ITGAE: variants seen among roughly 807,000 people sequenced by gnomAD.
ITGAE encodes the protein integrin subunit alpha E, also known as integrin alpha-E.
A neutral mutation model predicts 136.5 loss-of-function variants in ITGAE; 99 were observed. That is an observed-to-expected ratio of 0.73 (90% confidence interval 0.62 to 0.86). ITGAE has a LOEUF of 0.86. Ranked by LOEUF, ITGAE falls within the 40% of genes least tolerant of loss-of-function variation. ITGAE has a pLI of 0.00. For missense variants in ITGAE, 1,447 were observed against 1,515.3 expected (o/e 0.95, Z 0.75); for synonymous variants, 613 against 591.8 (o/e 1.04, Z -0.52).
intron 1 of ITGAE, among the ~76,000 whole-genome samples, chr17:3,781,189 C>T (rs943281848): frequency 6.6e-6 from 1 of 152,184 alleles, no homozygotes; most frequent in African/African-American, 2.4e-5. Context: ...AGCTGTTTGT[C>T]TTGCATATGC....
At chr17:3,787,027 G>T (rs1324640664) in intron 1 of ITGAE, among the ~76,000 whole-genome samples, 6 of 151,768 alleles carry the variant, frequency 4.0e-5, no homozygotes, top group Non-Finnish European at 2.9e-5. Flanking sequence ...ATATGATTAT[G>T]ATAGATGCAG....
rs776110954 is a variant in ITGAE at position 3,755,152 on chromosome 17, G to A, written c.1349C>T (p.Ala450Val). Residue 450 changes from alanine to valine, a missense_variant, in exon 12 of 31, where the codon GCG (alanine) becomes GTG (valine). By Grantham distance (64) the Ala-to-Val change is moderately conservative. This residue lies in a region of ITGAE where 1,031 missense variants were observed against 1,011.4 expected (regional missense o/e 1.02). Coordinates refer to ENST00000263087, the MANE Select transcript of ITGAE (RefSeq NM_002208.5). ...GTACTGCGCAGCCTCCGCGTCTGCC[G>A]CCGCCGCCGCTGTCTGGTTCAGGAA... Reference protein sequence around the residue: ...GRFLNQTAAAAADAEAAQYSY... With the variant: ...GRFLNQTAAAVADAEAAQYSY... 21 of 1,483,846 alleles carry A rather than the reference G, an allele frequency of 1.4e-5. No individual in the cohort carries two copies. In the South Asian group the frequency reaches 2.3e-4, roughly 16 times the overall value. 91.9% of individuals were successfully genotyped at this position (1,483,846 alleles called of 1,614,324 possible). A position where few individuals can be genotyped will look rare whatever the true frequency, so the allele number is the denominator to read the frequency against.
intron 16 of ITGAE, among the ~76,000 whole-genome samples, chr17:3,749,464 G>A (rs376940370): frequency 5.3e-5 from 8 of 152,198 alleles, no homozygotes; most frequent in South Asian, 2.1e-4. Flanking sequence ...GTGTTAGCCA[G>A]GATGGTCTCC....
At chr17:3,718,105 T>C (rs147172206) in intron 29 of ITGAE, 1 of 152,420 alleles carries the variant, frequency 6.6e-6, no homozygotes, top group Admixed American at 6.5e-5. Context: ...CAAACACGGA[T>C]GCTGGCCTGC....
At chr17:3,774,530 G>A (rs949236062) in intron 2 of ITGAE, among the ~76,000 whole-genome samples, 34 of 152,258 alleles carry the variant, frequency 2.2e-4, no homozygotes, top group African/African-American at 7.2e-4. Flanking sequence ...TTGGGAGGCC[G>A]AAGTGGGCAG....
At chr17:3,776,731 G>T (rs888172457) in intron 2 of ITGAE, among the ~76,000 whole-genome samples, 37 of 147,462 alleles carry the variant, frequency 2.5e-4, no homozygotes, top group South Asian at 6.5e-4. Flanking sequence ...ACAGTTTTTG[G>T]TTTTTTTTGA....
At chr17:3,743,676 A>C in intron 18 of ITGAE, 59 bp from the exon 19 acceptor site, 1 of 1,360,990 alleles carries the variant, frequency 7.3e-7, no homozygotes, top group South Asian at 1.3e-5. Context: ...AGATGACAAC[A>C]ATAATGCTTT....
chr17:3,762,023 TGGGAG>T, intron 3 of ITGAE, 41 bp from the exon 4 acceptor site: 2 of 1,576,338 alleles, frequency 1.3e-6, no homozygotes, highest in African/African-American at 1.3e-5. Context: ...GAGGGGACTC[TGGGAG>T]GCAGAGACCC....
chr17:3,723,838 G>C (rs2051123661), intron 26 of ITGAE, 94 bp from the exon 27 acceptor site: 3 of 1,539,820 alleles, frequency 1.9e-6, no homozygotes, highest in Non-Finnish European at 8.8e-7. Flanking sequence ...GTGCGCATGC[G>C]CAGGGCCGGG....
chr17:3,716,299 CAG>C (rs2050943112), intron 30 of ITGAE, among the ~76,000 whole-genome samples: 1 of 152,142 alleles, frequency 6.6e-6, no homozygotes, highest in African/African-American at 2.4e-5. Context: ...AAGATTTCAA[CAG>C]GGGAACAACA....
intron 1 of ITGAE, among the ~76,000 whole-genome samples, chr17:3,791,047 T>C (rs554212502): frequency 8.2e-4 from 122 of 148,948 alleles, no homozygotes; most frequent in Non-Finnish European, 1.5e-3. Flanking sequence ...CCCAGCTACT[T>C]GGGAGGCTGA....
rs377713554 is a variant in ITGAE at position 3,748,071 on chromosome 17, A to C, written c.2025-19T>G. On this transcript the variant is annotated intron_variant, in intron 16 of 30. Coordinates refer to ENST00000263087, the MANE Select transcript of ITGAE (RefSeq NM_002208.5). ...CCGGGAGCTAAACAAGACAGCAAAG[A>C]GGATGGGAGAAGTGACTGCTCAGCC... The C allele has an allele frequency of 7.5e-6, 12 of 1,603,130 alleles. No homozygotes were observed. Among genetic ancestry groups the C allele is most frequent in the Middle Eastern group, 3.9e-4 (2 of 5,182 alleles).
At chr17:3,739,776 G>A (rs751870373) in intron 20 of ITGAE, 29 bp downstream of exon 20, 50 of 1,597,658 alleles carry the variant, frequency 3.1e-5, no homozygotes, top group Non-Finnish European at 4.0e-5. Context: ...AAGGTTAATC[G>A]AGGAAACTGA....
Position 3,719,234 on chromosome 17 carries a change from T to TAAAAAAAAAAAAAAA in ITGAE, c.3333+1072_3333+1073insTTTTTTTTTTTTTTT, listed in dbSNP as rs2050999265. Among the ~76,000 whole-genome samples, 5 of 34,766 alleles carry TAAAAAAAAAAAAAAA rather than the reference T, an allele frequency of 1.4e-4. 1 individual carries two copies. The highest frequency in any genetic ancestry group is 6.1e-4 in the African/African-American group (5 of 8,190). 22.8% of individuals were successfully genotyped at this position (34,766 alleles called of 152,430 possible). Reference sequence around the variant, plus strand: ...CTGGGCGACACAGTGAGATTCTTCCTCAAAAAAAAAAAAAAAAAAAAAGAA... The same window carrying TAAAAAAAAAAAAAAA: ...CTGGGCGACACAGTGAGATTCTTCCTAAAAAAAAAAAAAAACAAAAAAAAAAAAAAAAAAAAAGAA... On this transcript the variant is annotated intron_variant, in intron 29 of 30. Transcript: ENST00000263087.
intron 26 of ITGAE, chr17:3,724,154 C>CAGCCCGGT: frequency 6.3e-7 from 1 of 1,594,950 alleles, no homozygotes; most frequent in South Asian, 1.1e-5. Flanking sequence ...ACTTCCCCGG[C>CAGCCCGGT]AGCCCGGTGA....
At position 3,799,705 on chromosome 17, in the gene ITGAE, T is replaced by TA. The variant is rs2053203367; in HGVS notation, c.34+1405dup. On this transcript the variant is annotated intron_variant, in intron 1 of 30. Transcript: ENST00000263087. The surrounding 1 kb of genome is among the most constrained non-coding windows in gnomAD (Gnocchi z 4.1). ...AATGGGAGATCAAAGCCACAAGCCA[T>TA]AAAAAGAGTGAGACTCTCTCCACAC... Among the ~76,000 whole-genome samples the TA allele has an allele frequency of 6.6e-6, 1 of 152,184 alleles. No homozygotes were observed. The highest frequency in any genetic ancestry group is 2.1e-4 in the South Asian group (1 of 4,822).
At chr17:3,781,637 G>A (rs1206829009) in intron 1 of ITGAE, among the ~76,000 whole-genome samples, 2 of 152,178 alleles carry the variant, frequency 1.3e-5, no homozygotes, top group East Asian at 1.9e-4. Flanking sequence ...GATTACAGGC[G>A]TGAGCCAAGG....
chr17:3,783,614 TTTGG>T (rs1355727733), intron 1 of ITGAE, among the ~76,000 whole-genome samples: 3 of 152,250 alleles, frequency 2.0e-5, no homozygotes, highest in South Asian at 2.1e-4. Context: ...TTTGAGTATC[TTTGG>T]TTGGCTGGAA....
chr17:3,734,880 A>G lies in ITGAE; in HGVS notation c.2592T>C (p.Asp864=), dbSNP rs1296556344. The G allele has an allele frequency of 3.1e-6, 5 of 1,614,178 alleles. No individual in the cohort carries two copies. The highest frequency in any genetic ancestry group is 1.3e-5 in the African/African-American group (1 of 75,038). Residue 864 remains aspartate (D), a synonymous_variant, in exon 21 of 31, where the codon GAT becomes GAC. Transcript: ENST00000263087. ...LNINLTNSGE[D]SYMTSMALNY... is the part of the protein sequence containing the mutation. ...TCAAGGCCATGCTTGTCATGTAGGA[A>G]TCTTCCCCGGAGTTAGTTAGGTTAA...
Sources: gnomAD v4.1 joint callset for allele counts (sites outside exome capture counted in the v4.1 genomes callset) on GRCh38, gnomAD v4.1.1 for gene constraint, gnomAD v4.1.1 regional missense constraint, Gnocchi (gnomAD v3.1) non-coding constraint, MANE v1.5 for transcripts, NCBI Gene and HGNC (gene_info 2026-07-23, HGNC 2026-07-21) for gene names.